CDH7: variants seen among roughly 807,000 people sequenced by gnomAD.
CDH7 encodes cadherin-7.
Under a neutral mutation model 71.8 loss-of-function variants are expected in CDH7, and 25 were observed. The observed-to-expected ratio is 0.35, with a 90% CI of 0.25 to 0.49. CDH7 has a LOEUF of 0.49. Ranked by LOEUF, CDH7 falls within the 20% of genes least tolerant of loss-of-function variation. CDH7 has a pLI of 0.99. For synonymous variants in CDH7, 381 were observed against 363.8 expected (o/e 1.05, Z -0.54); for missense variants, 862 against 974.6 (o/e 0.88, Z 1.54).
At chr18:65,842,384 A>G (rs1912764860) in intron 6 of CDH7, among the ~76,000 whole-genome samples, 1 of 151,574 alleles carries the variant, frequency 6.6e-6, no homozygotes, top group Non-Finnish European at 1.5e-5. Flanking sequence ...ATATTGATTT[A>G]TATATATATA....
Position 65,857,909 on chromosome 18 carries a change from G to A in CDH7, c.1329G>A (p.Glu443=), listed in dbSNP as rs748904329. ...CAACTGCCAAGTCTTTGGATCGAGA[G>A]ACAAATGCTATTCACAATATCACAG... is the stretch of plus-strand genomic sequence containing the variant. The part of the protein sequence containing the change: ...VITTAKSLDR[E]TNAIHNITVL... Residue 443 remains glutamate, a synonymous_variant, in exon 8 of 12, where the codon GAG becomes GAA. Transcript: ENST00000397968. 1.8e-5 allele frequency: 29 copies of A among 1,613,596 alleles called. No individual in the cohort carries two copies. In the Admixed American group the frequency reaches 4.2e-4, roughly 23 times the overall value.
chr18:65,851,305 T>C (rs991755334), intron 7 of CDH7, among the ~76,000 whole-genome samples: 1 of 152,156 alleles, frequency 6.6e-6, no homozygotes, highest in Non-Finnish European at 1.5e-5. Context: ...ACAAACTTTA[T>C]AGTAGATTAA....
intron 2 of CDH7, among the ~76,000 whole-genome samples, chr18:65,767,002 C>G (rs888176024): frequency 6.7e-6 from 1 of 150,028 alleles, no homozygotes; most frequent in Non-Finnish European, 1.5e-5. Flanking sequence ...GCCAGCCGAT[C>G]GCTGTGCCCC....
intron 6 of CDH7, among the ~76,000 whole-genome samples, chr18:65,830,715 T>TTC (rs1419228492): frequency 6.6e-5 from 6 of 91,188 alleles, no homozygotes; most frequent in Non-Finnish European, 1.5e-4. Flanking sequence ...TTTTTCTTCT[T>TTC]TCTCTCTCTC....
At chr18:65,758,162 G>T (rs1014540424) in intron 1 of CDH7, among the ~76,000 whole-genome samples, 8 of 152,190 alleles carry the variant, frequency 5.3e-5, no homozygotes, top group African/African-American at 1.9e-4. Context: ...TATACAGTGT[G>T]TGAGAAAAAT....
intron 3 of CDH7, 139 bp downstream of exon 3, chr18:65,810,137 G>A (rs1290221886): frequency 1.1e-5 from 7 of 653,134 alleles, no homozygotes; most frequent in Non-Finnish European, 1.8e-5. Flanking sequence ...AGGGTGAGGG[G>A]AACATTTGAG....
intron 8 of CDH7, among the ~76,000 whole-genome samples, 157 bp downstream of exon 8, chr18:65,858,109 T>C (rs1913430643): frequency 6.6e-6 from 1 of 152,164 alleles, no homozygotes; most frequent in Non-Finnish European, 1.5e-5. Context: ...AATATACTTA[T>C]CTTCACTGTC....
At chr18:65,764,468 A>G (rs1568172947) in intron 2 of CDH7, among the ~76,000 whole-genome samples, 1 of 152,036 alleles carries the variant, frequency 6.6e-6, no homozygotes. Flanking sequence ...CGTCATATTT[A>G]CTGTACATAT....
rs116603859 is a variant in CDH7 at position 65,805,360 on chromosome 18, C to G, written c.211-4344C>G. On this transcript the variant is annotated intron_variant, in intron 2 of 11. Coordinates refer to ENST00000397968, the MANE Select transcript of CDH7 (RefSeq NM_004361.5). ...TATGCTCAGGCAGTGAGAACTAGTC[C>G]AGCATGCTTGGACCATAGACTACAC... Among the ~76,000 whole-genome samples, 117 of 152,234 alleles carry G rather than the reference C, an allele frequency of 7.7e-4. No homozygotes were observed. The South Asian group carries it at 0.019, about 25-fold the overall frequency.
At chr18:65,769,774 C>T (rs1051960632) in intron 2 of CDH7, among the ~76,000 whole-genome samples, 1 of 152,052 alleles carries the variant, frequency 6.6e-6, no homozygotes, top group Non-Finnish European at 1.5e-5. Context: ...CATGTTTCTT[C>T]TTAATGCATA....
rs145547338 is a variant in CDH7, at chr18:65,845,467, A to C, written c.1235+1402A>C. Among the ~76,000 whole-genome samples, 1,056 of 152,152 alleles carry C rather than the reference A, an allele frequency of 6.9e-3. 12 individuals carry two copies. Among genetic ancestry groups the C allele is most frequent in the East Asian group, 0.034 (176 of 5,158 alleles). On this transcript the variant is annotated intron_variant, in intron 7 of 11. Transcript: ENST00000397968. ...TCTTCTCTGTAATTGCCCTGCCTTC[A>C]TGGTCAAGAAAACTTTCTGACTGCA... is the stretch of plus-strand genomic sequence containing the variant.
intron 11 of CDH7, among the ~76,000 whole-genome samples, chr18:65,875,735 G>A (rs1246767966): frequency 1.3e-5 from 2 of 151,996 alleles, no homozygotes; most frequent in Admixed American, 1.3e-4. Flanking sequence ...CAAGGAGTTC[G>A]AGACCAGCCT....
chr18:65,793,433 A>G (rs989035555), intron 2 of CDH7, among the ~76,000 whole-genome samples: 3 of 151,566 alleles, frequency 2.0e-5, no homozygotes, highest in Admixed American at 1.3e-4. Flanking sequence ...AAAAAAAAAA[A>G]GAGAGGGAGA....
chr18:65,807,467 A>G (rs1911365995), intron 2 of CDH7, among the ~76,000 whole-genome samples: 1 of 152,182 alleles, frequency 6.6e-6, no homozygotes, highest in South Asian at 2.1e-4. Flanking sequence ...ATTTCAGTGT[A>G]AAAAAGCTTT....
chr18:65,804,357 G>A (rs1264910277), intron 2 of CDH7, among the ~76,000 whole-genome samples: 3 of 152,066 alleles, frequency 2.0e-5, no homozygotes, highest in African/African-American at 4.8e-5. Flanking sequence ...TCATCAGTAA[G>A]ATCAAATAAC....
rs1914406511 is a variant in CDH7 at position 65,887,651 on chromosome 18, C to T, written c.*6757C>T. The T allele has an allele frequency of 6.6e-6, 1 of 152,022 alleles. No individual in the cohort carries two copies. 9.4% of individuals were successfully genotyped at this position (152,022 alleles called of 1,614,324 possible). Reference sequence around the variant, plus strand: ...ATACATACACGTGTGCAGGAACACACACAATTTGAGGCGAAATGTTGAAGT... The same window carrying T: ...ATACATACACGTGTGCAGGAACACATACAATTTGAGGCGAAATGTTGAAGT... On this transcript the variant is annotated 3_prime_UTR_variant, in exon 12 of 12. Transcript: ENST00000397968.
chr18:65,824,261 T>C (rs1238074056), intron 5 of CDH7, among the ~76,000 whole-genome samples: 1 of 151,052 alleles, frequency 6.6e-6, no homozygotes, highest in African/African-American at 2.5e-5. Context: ...CTATTCTATT[T>C]TTATTTCTTA....
At chr18:65,831,360 C>T (rs1321711666) in intron 6 of CDH7, among the ~76,000 whole-genome samples, 4 of 152,150 alleles carry the variant, frequency 2.6e-5, no homozygotes, top group African/African-American at 9.7e-5. Context: ...AGAACGCGAT[C>T]TGCTGGCCCA....
intron 1 of CDH7, among the ~76,000 whole-genome samples, chr18:65,758,263 T>C (rs1916088730): frequency 6.6e-6 from 1 of 152,212 alleles, no homozygotes; most frequent in South Asian, 2.1e-4. Flanking sequence ...ATTTCTTTCA[T>C]GATACCCAGC....
Sources: gnomAD v4.1 joint callset for allele counts (sites outside exome capture counted in the v4.1 genomes callset) on GRCh38, gnomAD v4.1.1 for gene constraint, MANE v1.5 for transcripts, NCBI Gene and HGNC (gene_info 2026-07-23, HGNC 2026-07-21) for gene names.